The following HEPACAM2 variants were observed in gnomAD, a reference collection of about 807,000 sequenced individuals.
HEPACAM2 encodes HEPACAM family member 2.
HEPACAM2 carries 49 observed loss-of-function variants against 49.6 expected under a neutral mutation model. The ratio of observed to expected loss-of-function variants is 0.99; its 90% CI spans 0.78 to 1.25. The LOEUF is 1.25. HEPACAM2 is among the 50% of genes most tolerant of loss of function. HEPACAM2 has a pLI of 0.00. For synonymous variants in HEPACAM2, 197 were observed against 202.9 expected (o/e 0.97, Z 0.25); for missense variants, 525 against 557.2 (o/e 0.94, Z 0.58).
At chr7:93,199,465 T>A (rs1793823729) in intron 4 of HEPACAM2, among the ~76,000 whole-genome samples, 1 of 152,134 alleles carries the variant, frequency 6.6e-6, no homozygotes, top group Non-Finnish European at 1.5e-5. Flanking sequence ...TCTTAGCCTT[T>A]TCTCAGATAT....
At chr7:93,210,825 G>A (rs757786194) in intron 3 of HEPACAM2, among the ~76,000 whole-genome samples, 1 of 151,788 alleles carries the variant, frequency 6.6e-6, no homozygotes, top group Non-Finnish European at 1.5e-5. Flanking sequence ...CACTAGCTAG[G>A]CATTCTTTAG....
At chr7:93,204,906 C>A (rs964344090) in intron 4 of HEPACAM2, among the ~76,000 whole-genome samples, 1 of 152,042 alleles carries the variant, frequency 6.6e-6, no homozygotes, top group African/African-American at 2.4e-5. Context: ...TTGAGACAAG[C>A]CTGGCCAACA....
intron 1 of HEPACAM2, among the ~76,000 whole-genome samples, chr7:93,220,373 T>C (rs932565155): frequency 1.3e-5 from 2 of 152,090 alleles, no homozygotes; most frequent in Non-Finnish European, 2.9e-5. Context: ...AAAAGACGTT[T>C]TGGAAAAAGG....
At chr7:93,192,160 A>G in intron 9 of HEPACAM2, 94 bp downstream of exon 9, 1 of 808,158 alleles carries the variant, frequency 1.2e-6, no homozygotes. Context: ...TTGTTTTGGT[A>G]TTTTTCTTCT....
chr7:93,198,117 T>A (rs1010986267), intron 4 of HEPACAM2, among the ~76,000 whole-genome samples: 2 of 152,010 alleles, frequency 1.3e-5, no homozygotes, highest in Non-Finnish European at 2.9e-5. Context: ...CCATAAATGA[T>A]GAAAAAAATT....
Position 93,219,411 on chromosome 7 carries a change from A to T in HEPACAM2, c.120T>A (p.Thr40=). The T allele has an allele frequency of 6.2e-7, 1 of 1,614,016 alleles. No homozygotes were observed. Among genetic ancestry groups the T allele is most frequent in the Non-Finnish European group, 8.5e-7 (1 of 1,179,942 alleles). The change falls in exon 2 of 10, where the codon ACT becomes ACA. Residue 40 remains threonine, a synonymous_variant. Transcript: ENST00000394468. ...GGGCCTGACCTCTGACGCCATGGACAGTGTGTGATGGCACTGTCACCTTCA... is the reference window on the plus strand; with the variant it reads ...GGGCCTGACCTCTGACGCCATGGACTGTGTGTGATGGCACTGTCACCTTCA... ...SGLKVTVPSH[T]VHGVRGQALY...
intron 3 of HEPACAM2, among the ~76,000 whole-genome samples, chr7:93,209,859 G>A (rs1794135818): frequency 1.3e-5 from 2 of 151,560 alleles, no homozygotes; most frequent in South Asian, 2.1e-4. Flanking sequence ...ATAGACATAG[G>A]GGTGTTTGGT....
chr7:93,215,313 TG>T, intron 3 of HEPACAM2, 87 bp downstream of exon 3: 1 of 1,242,924 alleles, frequency 8.0e-7, no homozygotes, highest in Non-Finnish European at 1.1e-6. Context: ...AAATGACATC[TG>T]GTACTTATAT....
intron 9 of HEPACAM2, among the ~76,000 whole-genome samples, chr7:93,191,466 C>A (rs142196868): frequency 6.6e-6 from 1 of 152,150 alleles, no homozygotes; most frequent in East Asian, 1.9e-4. Flanking sequence ...GTTTATTTTG[C>A]CAGAGGGCAA....
At chr7:93,219,528 C>T in intron 1 of HEPACAM2, 77 bp from the exon 2 acceptor site, 1 of 1,594,134 alleles carries the variant, frequency 6.3e-7, no homozygotes, top group Admixed American at 1.7e-5. Context: ...CAGAGAGAAC[C>T]TGATCAGGTG....
intron 1 of HEPACAM2, among the ~76,000 whole-genome samples, chr7:93,220,215 T>C (rs1261893865): frequency 6.6e-6 from 1 of 152,150 alleles, no homozygotes; most frequent in Non-Finnish European, 1.5e-5. Flanking sequence ...AAAAGGGCTA[T>C]TTTTTTAAAT....
chr7:93,208,537 A>G (rs1193141905), intron 4 of HEPACAM2, 43 bp downstream of exon 4: 1 of 1,551,930 alleles, frequency 6.4e-7, no homozygotes, highest in East Asian at 2.3e-5. Context: ...GCCAGCATGC[A>G]TTCATGTTTT....
rs1793704921 is a variant in HEPACAM2 at position 93,195,887 on chromosome 7, G to A, written c.1216C>T (p.Leu406=). Residue 406 remains leucine (L), a synonymous_variant, in exon 8 of 10, where the codon CTG becomes TTG. Transcript: ENST00000394468. ...AQTFSGHEDA[L]DDFGIYEFVA... ...AATTCATATATTCCGAAGTCATCCA[G>A]AGCATCTTCATGGCCTGAAATGTAA... 2.5e-6 allele frequency: 4 copies of A among 1,612,354 alleles called. No individual in the cohort carries two copies. The highest frequency in any genetic ancestry group is 1.3e-5 in the African/African-American group (1 of 74,840).
chr7:93,192,729 A>G (rs1012645402), intron 8 of HEPACAM2, among the ~76,000 whole-genome samples: 3 of 152,116 alleles, frequency 2.0e-5, no homozygotes, highest in Non-Finnish European at 2.9e-5. Context: ...TCTATACCTC[A>G]GTTACCCTTT....
chr7:93,209,639 T>G (rs909904888), intron 3 of HEPACAM2, among the ~76,000 whole-genome samples: 11 of 151,958 alleles, frequency 7.2e-5, no homozygotes, highest in Non-Finnish European at 1.0e-4. Context: ...ACTATTCTAC[T>G]CTCTATGTCT....
At chr7:93,225,981 A>T in intron 1 of HEPACAM2, 2 of 1,099,116 alleles carry the variant, frequency 1.8e-6, no homozygotes, top group Non-Finnish European at 2.5e-6. Context: ...AATTTTCGTA[A>T]ATTATTTGTA....
In HEPACAM2 at chr7:93,225,282, G is replaced by A. The variant is rs568770827; in HGVS notation, c.79+1086C>T. 2.3e-3 allele frequency among the ~76,000 whole-genome samples: 355 copies of A among 152,068 alleles called. 2 individuals carry two copies. Among genetic ancestry groups the A allele is most frequent in the African/African-American group, 7.8e-3 (325 of 41,504 alleles). ...TTATTTACTTTTTCAAAAAATTTTA[G>A]AAAACAAAAATCTATTATAGGCTTA... On this transcript the variant is annotated intron_variant, in intron 1 of 9. Transcript: ENST00000394468.
intron 4 of HEPACAM2, among the ~76,000 whole-genome samples, chr7:93,206,529 T>C (rs1476198584): frequency 6.6e-6 from 1 of 152,114 alleles, no homozygotes; most frequent in Non-Finnish European, 1.5e-5. Context: ...TATTATCTAC[T>C]GCCCAAATGA....
At chr7:93,198,753 A>G (rs140110872) in intron 4 of HEPACAM2, among the ~76,000 whole-genome samples, 1 of 152,212 alleles carries the variant, frequency 6.6e-6, no homozygotes, top group East Asian at 1.9e-4. Flanking sequence ...TGGGTGTGGT[A>G]AAGACCATGG....
Sources: gnomAD v4.1 joint callset for allele counts (sites outside exome capture counted in the v4.1 genomes callset) on GRCh38, gnomAD v4.1.1 for gene constraint, MANE v1.5 for transcripts, NCBI Gene and HGNC (gene_info 2026-07-23, HGNC 2026-07-21) for gene names.